Variants in UBE2H observed in about 807,000 individuals in gnomAD.
UBE2H encodes the protein ubiquitin-conjugating enzyme E2 H.
UBE2H carries 3 observed loss-of-function variants against 29.0 expected under a neutral mutation model. The ratio of observed to expected loss-of-function variants is 0.10; its 90% CI spans 0.05 to 0.27. The LOEUF is 0.27. UBE2H is among the 10% of genes least tolerant of loss of function. UBE2H has a pLI of 1.00. For missense variants in UBE2H, 68 were observed against 228.2 expected, an observed-to-expected ratio of 0.30 and a Z score of 4.52; for synonymous variants, 69 against 82.9, an observed-to-expected ratio of 0.83 and a Z score of 0.91.
intron 1 of UBE2H, among the ~76,000 whole-genome samples, chr7:129,937,156 C>T (rs1266690351): frequency 1.3e-5 from 2 of 151,582 alleles, no homozygotes; most frequent in Admixed American, 6.6e-5. Flanking sequence ...AGTGAAACCC[C>T]GTCTCTACAA....
chr7:129,867,723 C>CAAAAA (rs1563027569), intron 3 of UBE2H, among the ~76,000 whole-genome samples: 10 of 65,562 alleles, frequency 1.5e-4, no homozygotes, highest in African/African-American at 2.9e-4. Context: ...AAAAAGAAAA[C>CAAAAA]CAAAAAAAAA....
chr7:129,844,896 A>C lies in UBE2H; in HGVS notation c.299-5561T>G, dbSNP rs888147536. Among the ~76,000 whole-genome samples the C allele has an allele frequency of 1.1e-4, 17 of 152,358 alleles. 1 individual carries two copies. In the East Asian group the frequency reaches 2.9e-3, roughly 26 times the overall value. On this transcript the variant is annotated intron_variant, in intron 5 of 6. Coordinates refer to ENST00000355621, the MANE Select transcript of UBE2H (RefSeq NM_003344.4). ...GTAATCCTAGCACTTTGGGAGGCCGAGGCAGGTGGACTGCCTGAGGTCAGG... is the reference window on the plus strand; with the variant it reads ...GTAATCCTAGCACTTTGGGAGGCCGCGGCAGGTGGACTGCCTGAGGTCAGG...
At chr7:129,897,897 C>T (rs894284107) in intron 1 of UBE2H, among the ~76,000 whole-genome samples, 4 of 152,046 alleles carry the variant, frequency 2.6e-5, no homozygotes, top group Non-Finnish European at 4.4e-5. Context: ...CAGGAAAATA[C>T]CTTATTTGAT....
chr7:129,863,092 C>A (rs1183301668), intron 3 of UBE2H, among the ~76,000 whole-genome samples: 1 of 152,218 alleles, frequency 6.6e-6, no homozygotes, highest in Non-Finnish European at 1.5e-5. Flanking sequence ...ACTAAGGTGC[C>A]TCCCTCATTG....
At chr7:129,860,942 C>T (rs987847947) in intron 3 of UBE2H, among the ~76,000 whole-genome samples, 5 of 152,134 alleles carry the variant, frequency 3.3e-5, no homozygotes, top group Non-Finnish European at 7.4e-5. Flanking sequence ...CTTTATCTGG[C>T]CAGGCACGGT....
intron 1 of UBE2H, among the ~76,000 whole-genome samples, chr7:129,884,661 C>T (rs1471874): frequency 0.062 from 9,410 of 150,562 alleles, 366 homozygotes; most frequent in Non-Finnish European, 0.092. Flanking sequence ...AGCATGATCA[C>T]GGCTCACTGC....
intron 5 of UBE2H, among the ~76,000 whole-genome samples, chr7:129,844,819 T>G (rs1805484729): frequency 6.6e-6 from 1 of 152,164 alleles, no homozygotes; most frequent in South Asian, 2.1e-4. Flanking sequence ...GGCATATAAT[T>G]TATATTCATA....
chr7:129,876,833 C>T (rs2708650), intron 3 of UBE2H, among the ~76,000 whole-genome samples: 2 of 152,276 alleles, frequency 1.3e-5, no homozygotes, highest in East Asian at 1.9e-4. Context: ...GCCACTATTT[C>T]GAATACCCAC....
intron 1 of UBE2H, among the ~76,000 whole-genome samples, chr7:129,925,097 C>T (rs1807238980): frequency 6.6e-6 from 1 of 152,062 alleles, no homozygotes; most frequent in Admixed American, 6.6e-5. Flanking sequence ...CGCCTATAAT[C>T]CCAGCACTTT....
In UBE2H at chr7:129,883,266, T is replaced by C. The variant is rs189412467; in HGVS notation, c.54-2295A>G. On this transcript the variant is annotated intron_variant, in intron 1 of 6. Coordinates refer to ENST00000355621, the MANE Select transcript of UBE2H (RefSeq NM_003344.4). ...ATTTCACTTATATGAAGTTATTTTT[T>C]TAAAAATAGACACTGCTGGTGAGAG... Among the ~76,000 whole-genome samples, 104 of 152,354 alleles carry C rather than the reference T, an allele frequency of 6.8e-4. 2 individuals carry two copies. Among genetic ancestry groups the C allele is most frequent in the Middle Eastern group, 6.8e-3 (2 of 294 alleles).
chr7:129,847,619 G>T (rs12539145), intron 5 of UBE2H, among the ~76,000 whole-genome samples: 9,412 of 152,230 alleles, frequency 0.062, 364 homozygotes, highest in Non-Finnish European at 0.091. Context: ...GGGATTACAG[G>T]CGTGAGCTAC....
At chr7:129,894,396 C>T (rs574336848) in intron 1 of UBE2H, among the ~76,000 whole-genome samples, 6 of 151,430 alleles carry the variant, frequency 4.0e-5, no homozygotes, top group African/African-American at 1.5e-4. Flanking sequence ...AACCATGTCA[C>T]GCCACTGCAC....
chr7:129,901,106 T>TA (rs961197677), intron 1 of UBE2H, among the ~76,000 whole-genome samples: 6 of 152,208 alleles, frequency 3.9e-5, no homozygotes, highest in African/African-American at 1.4e-4. Context: ...TCTTAAACAC[T>TA]AAATTAATAA....
intron 1 of UBE2H, among the ~76,000 whole-genome samples, chr7:129,914,698 T>G (rs550832468): frequency 6.6e-6 from 1 of 152,128 alleles, no homozygotes; most frequent in Non-Finnish European, 1.5e-5. Context: ...ACTCCCTTGA[T>G]GAAATAAAGA....
At chr7:129,926,054 G>T (rs1202989265) in intron 1 of UBE2H, among the ~76,000 whole-genome samples, 1 of 152,006 alleles carries the variant, frequency 6.6e-6, no homozygotes, top group African/African-American at 2.4e-5. Context: ...TCCTTTTTCG[G>T]TTGAGGAAAC....
intron 5 of UBE2H, among the ~76,000 whole-genome samples, chr7:129,855,827 C>T (rs1805695304): frequency 6.6e-6 from 1 of 152,190 alleles, no homozygotes; most frequent in Admixed American, 6.5e-5. Context: ...AGCCTAGGAG[C>T]TCAAGGCTGC....
intron 1 of UBE2H, among the ~76,000 whole-genome samples, chr7:129,923,641 A>G (rs1807209201): frequency 6.6e-6 from 1 of 152,212 alleles, no homozygotes; most frequent in Admixed American, 6.5e-5. Flanking sequence ...AGAGGTTCTA[A>G]AACATGGAAG....
chr7:129,930,402 G>T (rs1807365026), intron 1 of UBE2H, among the ~76,000 whole-genome samples: 1 of 152,242 alleles, frequency 6.6e-6, no homozygotes, highest in South Asian at 2.1e-4. Flanking sequence ...GACCTCAGGT[G>T]ACCTGCCCAC....
At chr7:129,944,050 T>G (rs1209976924) in intron 1 of UBE2H, among the ~76,000 whole-genome samples, 1 of 152,176 alleles carries the variant, frequency 6.6e-6, no homozygotes, top group South Asian at 2.1e-4. Flanking sequence ...TAATTTAACA[T>G]GATTCCTTTA....
Sources: gnomAD v4.1 joint callset for allele counts (sites outside exome capture counted in the v4.1 genomes callset) on GRCh38, gnomAD v4.1.1 for gene constraint, MANE v1.5 for transcripts, NCBI Gene and HGNC (gene_info 2026-07-23, HGNC 2026-07-21) for gene names.